GATAD2A: variants seen among roughly 807,000 people sequenced by gnomAD.
The protein encoded by GATAD2A is transcriptional repressor p66-alpha.
GATAD2A carries 12 observed loss-of-function variants against 68.5 expected under a neutral mutation model. That is an observed-to-expected ratio of 0.18 (90% CI 0.11 to 0.28). The LOEUF (loss-of-function observed/expected upper bound fraction) is 0.28, where lower values mean the gene tolerates loss of function less well. Among genes scored for constraint, GATAD2A ranks in the 10% least tolerant of loss-of-function variants. The pLI is 1.00. For missense variants in GATAD2A, 755 were observed against 868.5 expected (o/e 0.87, Z 1.64); for synonymous variants, 410 against 375.3 (o/e 1.09, Z -1.07).
At chr19:19,438,527 T>A (rs1490224237) in intron 1 of GATAD2A, among the ~76,000 whole-genome samples, 3 of 152,186 alleles carry the variant, frequency 2.0e-5, no homozygotes, top group African/African-American at 7.2e-5. Flanking sequence ...CTGTAGTTTC[T>A]CCTAGGCCCC....
At chr19:19,495,937 A>T (rs757086979) in intron 6 of GATAD2A, 52 bp downstream of exon 6, 1 of 1,596,770 alleles carries the variant, frequency 6.3e-7, no homozygotes, top group Non-Finnish European at 8.6e-7. Context: ...GCAGTCGTCT[A>T]CCTTGAAAGT....
intron 2 of GATAD2A, among the ~76,000 whole-genome samples, chr19:19,487,597 TCCCCCGAGTGGAACC>T (rs144120455): frequency 0.016 from 2,452 of 151,952 alleles, 62 homozygotes; most frequent in African/African-American, 0.056. Flanking sequence ...AGACCTGCAC[TCCCCCGAGTGGAACC>T]CCGAGTTCTG....
chr19:19,421,101 A>G (rs11668386), intron 1 of GATAD2A, among the ~76,000 whole-genome samples: 14,252 of 152,158 alleles, frequency 0.094, 786 homozygotes, highest in South Asian at 0.17. Flanking sequence ...CCGACGGACA[A>G]TGGGGGAGGC....
intron 1 of GATAD2A, among the ~76,000 whole-genome samples, chr19:19,391,871 A>G (rs2048864529): frequency 6.6e-6 from 1 of 152,168 alleles, no homozygotes; most frequent in Non-Finnish European, 1.5e-5. Context: ...TGGAGACAGC[A>G]CTGGGGGCAT....
At position 19,501,381 on chromosome 19, in the gene GATAD2A, G is replaced by A. The variant is rs762181220; in HGVS notation, c.1468G>A (p.Glu490Lys). 6.2e-6 allele frequency: 10 copies of A among 1,607,316 alleles called. No individual in the cohort carries two copies. Among genetic ancestry groups the A allele is most frequent in the South Asian group, 1.1e-5 (1 of 90,426 alleles). Residue 490 changes from glutamate (E) to lysine (K), a missense_variant, in exon 9 of 12, where the codon GAG (glutamate) becomes AAG (lysine). By Grantham distance (56) the Glu-to-Lys change is moderately conservative. Transcript: ENST00000683918. ...CACGGCCCCTGCACAGGCCAAGGCC[G>A]AGCCCACCGCTGCCCCACACCCCGT... ...QGTAPAQAKA[E>K]PTAAPHPVLK...
At chr19:19,440,493 C>T (rs1021977673) in intron 1 of GATAD2A, 4 of 233,852 alleles carry the variant, frequency 1.7e-5, no homozygotes, top group South Asian at 4.2e-5. Context: ...CTCCTCACCT[C>T]GTGGTCTGCC....
intron 1 of GATAD2A, among the ~76,000 whole-genome samples, chr19:19,430,277 C>T (rs1252726438): frequency 1.3e-5 from 2 of 152,206 alleles, no homozygotes; most frequent in Non-Finnish European, 2.9e-5. Context: ...GTAGACCAGC[C>T]TGACTTCTGG....
chr19:19,499,501 G>A (rs545843197), intron 8 of GATAD2A, among the ~76,000 whole-genome samples: 1 of 151,904 alleles, frequency 6.6e-6, no homozygotes, highest in Non-Finnish European at 1.5e-5. Flanking sequence ...CTTGGGAGCA[G>A]CGGGGTGGGT....
Position 19,428,795 on chromosome 19 carries a change from C to T in GATAD2A, c.-7+22776C>T, listed in dbSNP as rs1353521545. On this transcript the variant is annotated intron_variant, in intron 1 of 11. Transcript: ENST00000683918. ...GCACCACTGACACTGGGGCAACTCT[C>T]AATTCTCAGTGGTGGCCTGAGGGAA... Among the ~76,000 whole-genome samples the T allele has an allele frequency of 2.0e-5, 3 of 152,140 alleles. No homozygotes were observed. In the East Asian group the frequency reaches 5.8e-4, roughly 29 times the overall value.
chr19:19,427,889 A>T (rs1430940542), intron 1 of GATAD2A: 2 of 152,046 alleles, frequency 1.3e-5, no homozygotes, highest in Non-Finnish European at 2.9e-5. Flanking sequence ...GGGTTTTACC[A>T]TGTTGGCCAG....
intron 1 of GATAD2A, among the ~76,000 whole-genome samples, chr19:19,428,931 C>G (rs191455428): frequency 6.6e-6 from 1 of 152,054 alleles, no homozygotes; most frequent in African/African-American, 2.4e-5. Flanking sequence ...GGGGCTGTGC[C>G]GTGCCCATGG....
chr19:19,400,813 A>G (rs2049657188), upstream of GATAD2A, among the ~76,000 whole-genome samples: 1 of 152,136 alleles, frequency 6.6e-6, no homozygotes, highest in Admixed American at 6.6e-5. Flanking sequence ...CCTAAACTTA[A>G]TGAAAACAAT....
chr19:19,501,272 G>A lies in GATAD2A; in HGVS notation c.1359G>A (p.Val453=), dbSNP rs2060504186. The change falls in exon 9 of 12, where the codon GTG becomes GTA. Residue 453 remains valine, a synonymous_variant. Coordinates refer to ENST00000683918, the MANE Select transcript of GATAD2A (RefSeq NM_001384528.1). ...MTTNQKKALK[V]EHTSRLKAAF... is the part of the protein sequence containing the mutation. ...CCAACCAGAAGAAGGCGCTCAAGGT[G>A]GAGCACACCAGCCGGCTGAAGGCCG... The A allele has an allele frequency of 6.2e-7, 1 of 1,613,384 alleles. No homozygotes were observed. Among genetic ancestry groups the A allele is most frequent in the Non-Finnish European group, 8.5e-7 (1 of 1,180,028 alleles).
intron 1 of GATAD2A, among the ~76,000 whole-genome samples, chr19:19,431,957 A>G (rs747455210): frequency 1.8e-4 from 27 of 152,042 alleles, no homozygotes; most frequent in Non-Finnish European, 2.8e-4. Context: ...GTGGGGGATC[A>G]CACGGAGGGG....
At chr19:19,428,046 G>A (rs765051264) in intron 1 of GATAD2A, 2 of 152,118 alleles carry the variant, frequency 1.3e-5, no homozygotes, top group Non-Finnish European at 2.9e-5. Flanking sequence ...TAATACAGCA[G>A]TGTGTTGGTA....
intron 3 of GATAD2A, 53 bp downstream of exon 3, chr19:19,492,491 A>G (rs1168551008): frequency 1.2e-5 from 20 of 1,612,416 alleles, no homozygotes; most frequent in Admixed American, 1.7e-5. Context: ...CTTCCTACTC[A>G]TGACACCCTC....
At chr19:19,474,548 T>G (rs1045682691) in intron 2 of GATAD2A, among the ~76,000 whole-genome samples, 1 of 152,116 alleles carries the variant, frequency 6.6e-6, no homozygotes, top group Non-Finnish European at 1.5e-5. Flanking sequence ...TGGTGTGTAT[T>G]GGTGTGCCTC....
rs142919299 is a variant in GATAD2A at position 19,438,272 on chromosome 19, C to G, written c.-6-27068C>G. Among the ~76,000 whole-genome samples the G allele has an allele frequency of 5.3e-3, 804 of 152,306 alleles. 6 individuals carry two copies. Among genetic ancestry groups the G allele is most frequent in the South Asian group, 0.041 (198 of 4,832 alleles). The stretch of plus-strand genomic sequence containing the variant: ...GGCTCACCTCCTTTTTGGAGATAGG[C>G]TCTCGCTCTGTCACCCAGGCTGGAG... On this transcript the variant is annotated intron_variant, in intron 1 of 11. Coordinates refer to ENST00000683918, the MANE Select transcript of GATAD2A (RefSeq NM_001384528.1).
At chr19:19,403,689 TAATTA>T (rs1374399885), upstream of GATAD2A, among the ~76,000 whole-genome samples, 2 of 152,268 alleles carry the variant, frequency 1.3e-5, no homozygotes, top group Non-Finnish European at 2.9e-5. Context: ...TGTTTGTAGT[TAATTA>T]AATTGACATT....
Sources: gnomAD v4.1 joint callset for allele counts (sites outside exome capture counted in the v4.1 genomes callset) on GRCh38, gnomAD v4.1.1 for gene constraint, MANE v1.5 for transcripts, NCBI Gene and HGNC (gene_info 2026-07-23, HGNC 2026-07-21) for gene names.